Variants in HELB observed in about 807,000 individuals in gnomAD.
HELB encodes DNA helicase B, also known as DNA 5'-3' helicase B.
HELB carries 96 observed loss-of-function variants against 101.7 expected under a neutral mutation model. The ratio of observed to expected loss-of-function variants is 0.94; its 90% CI spans 0.80 to 1.12. The LOEUF (loss-of-function observed/expected upper bound fraction) is 1.12, where lower values mean the gene tolerates loss of function less well. Among genes scored for constraint, HELB ranks in the 50% most tolerant of loss-of-function variants. HELB has a pLI of 0.00. For synonymous variants in HELB, 437 were observed against 459.7 expected, an observed-to-expected ratio of 0.95 and a Z score of 0.63; for missense variants, 1,210 against 1,291.9, an observed-to-expected ratio of 0.94 and a Z score of 0.97.
rs528289213 is a variant in HELB at position 66,309,733 on chromosome 12, C to T, written c.805C>T (p.Arg269Ter). 35 of 1,610,670 alleles carry T rather than the reference C, an allele frequency of 2.2e-5. No individual in the cohort carries two copies. Among genetic ancestry groups the T allele is most frequent in the African/African-American group, 6.7e-5 (5 of 74,966 alleles). The change falls in exon 4 of 13, where the codon CGA becomes TGA. Residue 269 changes from arginine to a stop codon, truncating the protein, a stop_gained. Transcript: ENST00000247815. LOFTEE classifies it high-confidence loss of function. ...AACCTACAGAGAGTGGAAACTCCTG[C>T]GATGTGAGGCAAGTTGGATAGCATT... ...KITYREWKLL[R>*]CEASWIAFCQ...
At chr12:66,313,885 C>A in intron 4 of HELB, 101 bp from the exon 5 acceptor site, 1 of 976,596 alleles carries the variant, frequency 1.0e-6, no homozygotes, top group Non-Finnish European at 1.6e-6. Context: ...TCCCACCCAC[C>A]CCTGCCAATT....
intron 3 of HELB, among the ~76,000 whole-genome samples, chr12:66,308,601 G>C (rs1487763931): frequency 1.3e-5 from 2 of 152,156 alleles, no homozygotes; most frequent in Non-Finnish European, 2.9e-5. Context: ...TCAAGGTGTG[G>C]ACAGGGTTGA....
At chr12:66,312,028 G>T (rs60549090) in intron 4 of HELB, among the ~76,000 whole-genome samples, 6,535 of 152,306 alleles carry the variant, frequency 0.043, 286 homozygotes, top group East Asian at 0.13. Flanking sequence ...TGACTGGAAT[G>T]AAGCCTGTGT....
rs1199441058 is a variant in HELB at position 66,302,804 on chromosome 12, C to T, written c.187+14C>T. 2 of 1,595,652 alleles carry T rather than the reference C, an allele frequency of 1.3e-6. No homozygotes were observed. The highest frequency in any genetic ancestry group is 1.7e-4 in the Middle Eastern group (1 of 5,812). ...GGTGCCTCCGCGGTGAGGAAGGCGT[C>T]TGCCCGGGGGATGGGGTTGGAGGGT... On this transcript the variant is annotated intron_variant, in intron 1 of 12. Coordinates refer to ENST00000247815, the MANE Select transcript of HELB (RefSeq NM_001370285.1).
chr12:66,319,348 A>G (rs2053645561), intron 7 of HELB, among the ~76,000 whole-genome samples: 1 of 152,026 alleles, frequency 6.6e-6, no homozygotes, highest in Admixed American at 6.6e-5. Flanking sequence ...TGGGACAGGA[A>G]ATCTTCTCCT....
intron 10 of HELB, 111 bp downstream of exon 10, chr12:66,324,322 C>A: frequency 1.2e-6 from 1 of 848,444 alleles, no homozygotes; most frequent in Non-Finnish European, 1.8e-6. Flanking sequence ...ATTCTTGTTT[C>A]ATGATTTTTT....
intron 12 of HELB, among the ~76,000 whole-genome samples, chr12:66,337,216 G>A (rs2053876334): frequency 6.6e-6 from 1 of 150,900 alleles, no homozygotes; most frequent in African/African-American, 2.4e-5. Flanking sequence ...GGGTGGAGGG[G>A]GAAGTTTCTT....
chr12:66,310,434 AG>A lies in HELB; in HGVS notation c.1507del (p.Ala503ProfsTer24), dbSNP rs2053529857. 1.2e-6 allele frequency: 2 copies of A among 1,614,084 alleles called. No homozygotes were observed. The highest frequency in any genetic ancestry group is 1.7e-6 in the Non-Finnish European group (2 of 1,180,046). ...AGTTGGAAGAAAGAGAAGTAAAAAAAGCCTGTGAAGATTTTGAACAAGACCA... is the reference window on the plus strand; with the variant it reads ...AGTTGGAAGAAAGAGAAGTAAAAAAACCTGTGAAGATTTTGAACAAGACCA... ...EQLEEREVKK[A>X]CEDFEQDQNA... On this transcript the variant is annotated frameshift_variant, in exon 4 of 13. Transcript: ENST00000247815. LOFTEE classifies it high-confidence loss of function.
At chr12:66,309,606 T>A (rs2053515854) in intron 3 of HELB, 100 bp from the exon 4 acceptor site, 1 of 721,580 alleles carries the variant, frequency 1.4e-6, no homozygotes, top group African/African-American at 1.8e-5. Context: ...TAAATTTTGT[T>A]GAAGTTCATG....
intron 10 of HELB, chr12:66,324,445 GCTT>G (rs1363606848): frequency 8.1e-6 from 3 of 371,314 alleles, no homozygotes; most frequent in African/African-American, 2.1e-5. Context: ...GTTGGGAAGT[GCTT>G]CTTCTTATAT....
Position 66,304,792 on chromosome 12 carries a change from A to G in HELB, c.249A>G (p.Thr83=). The G allele has an allele frequency of 6.2e-7, 1 of 1,614,086 alleles. No homozygotes were observed. ...TCKVFGRFPI[T]GAWWRVKVQV... ...AAGTGTTTGGACGTTTTCCGATAAC[A>G]GGTGCTTGGTGGAGAGTGAAGGTAC... The change falls in exon 2 of 13, where the codon ACA becomes ACG. Residue 83 remains threonine (T), a synonymous_variant. Transcript: ENST00000247815.
In HELB at chr12:66,304,714, TG is replaced by T; in HGVS notation, c.188-16del. ...TCCAGAGTTAACTTTTGTGGGTTTT[TG>T]TTTGTTTTTTTTTAGTTTCTATTTG... is the stretch of plus-strand genomic sequence containing the variant. On this transcript the variant is annotated splice_polypyrimidine_tract_variant and intron_variant, in intron 1 of 12. Transcript: ENST00000247815. 1 of 1,568,186 alleles carries T rather than the reference TG, an allele frequency of 6.4e-7. No homozygotes were observed. The highest frequency in any genetic ancestry group is 2.1e-5 in the Admixed American group (1 of 48,154).
chr12:66,340,371 G>C (rs1168295), downstream of HELB: 71,611 of 151,978 alleles, frequency 0.47, 17,275 homozygotes, highest in East Asian at 0.58. Context: ...TATGGCTAGT[G>C]ATGTTAAATA....
At chr12:66,312,774 A>AT (rs1476232524) in intron 4 of HELB, among the ~76,000 whole-genome samples, 1 of 152,240 alleles carries the variant, frequency 6.6e-6, no homozygotes, top group Non-Finnish European at 1.5e-5. Context: ...GGGTTGCCAG[A>AT]TTTATCAGAT....
chr12:66,340,090 GTTT>G (rs2137023839), downstream of HELB: 1 of 152,334 alleles, frequency 6.6e-6, no homozygotes, highest in South Asian at 2.1e-4. Flanking sequence ...CTGTGTATAA[GTTT>G]TTATGTGGAC....
intron 11 of HELB, among the ~76,000 whole-genome samples, chr12:66,329,373 T>C (rs778679430): frequency 1.2e-4 from 19 of 152,132 alleles, no homozygotes; most frequent in Non-Finnish European, 2.4e-4. Flanking sequence ...CAGCCTGTGA[T>C]AGAGGAAGTA....
In HELB at chr12:66,304,855, T is replaced by A; in HGVS notation, c.312T>A (p.Tyr104Ter). 6.2e-7 allele frequency: 1 copy of A among 1,614,136 alleles called. No individual in the cohort carries two copies. The highest frequency in any genetic ancestry group is 8.5e-7 in the Non-Finnish European group (1 of 1,180,022). Residue 104 changes from tyrosine to a stop codon, truncating the protein, a stop_gained, in exon 2 of 13, where the codon TAT becomes TAA. Coordinates refer to ENST00000247815, the MANE Select transcript of HELB (RefSeq NM_001370285.1). LOFTEE classifies it high-confidence loss of function. ...TGGTGGGATCAAGGAGCTATCAATA[T>A]CAAGTTCAAGGATTTCCGTCTTACT... ...KPVVGSRSYQ[Y>*]QVQGFPSYFL...
chr12:66,313,290 T>C (rs1395191962), intron 4 of HELB, among the ~76,000 whole-genome samples: 1 of 152,152 alleles, frequency 6.6e-6, no homozygotes, highest in Non-Finnish European at 1.5e-5. Flanking sequence ...AGTGAGTGTT[T>C]CCTTTGAGTG....
intron 1 of HELB, among the ~76,000 whole-genome samples, chr12:66,303,708 T>C (rs930725135): frequency 5.3e-5 from 8 of 152,238 alleles, no homozygotes; most frequent in Admixed American, 1.3e-4. Context: ...TGATTGTTAA[T>C]TGGTGTTAGT....
Sources: gnomAD v4.1 joint callset for allele counts (sites outside exome capture counted in the v4.1 genomes callset) on GRCh38, gnomAD v4.1.1 for gene constraint, MANE v1.5 for transcripts, NCBI Gene and HGNC (gene_info 2026-07-23, HGNC 2026-07-21) for gene names.